The following DPYSL5 variants were observed in gnomAD, a reference collection of about 807,000 sequenced individuals.
DPYSL5 encodes the protein dihydropyrimidinase like 5, also known as dihydropyrimidinase-related protein 5.
DPYSL5 carries 9 observed loss-of-function variants against 58.4 expected under a neutral mutation model. The ratio of observed to expected loss-of-function variants is 0.15; its 90% CI spans 0.09 to 0.27. DPYSL5 has a LOEUF of 0.27. DPYSL5 is among the 10% of genes least tolerant of loss of function. The pLI, the probability that DPYSL5 is intolerant of heterozygous loss-of-function variation, is 1.00. For missense variants in DPYSL5, 499 were observed against 770.6 expected (o/e 0.65, Z 4.17); for synonymous variants, 293 against 301.9 (o/e 0.97, Z 0.31).
rs752500593 is a variant in DPYSL5, at chr2:26,928,295, A to G, written c.641A>G (p.Glu214Gly). The G allele has an allele frequency of 8.7e-6, 14 of 1,613,834 alleles. No individual in the cohort carries two copies. ...EALDLGITGP[E>G]GIEISRPEEL... ...CTGGATTTGGGGATCACAGGCCCAGAAGGAATCGAGATCAGCCGTCCAGAG... is the reference window on the plus strand; with the variant it reads ...CTGGATTTGGGGATCACAGGCCCAGGAGGAATCGAGATCAGCCGTCCAGAG... Residue 214 changes from glutamate to glycine, a missense_variant, in exon 5 of 13, where the codon GAA (glutamate) becomes GGA (glycine). By Grantham distance (98) the Glu-to-Gly change is moderately conservative. This residue lies in a region of DPYSL5 where 404 missense variants were observed against 647.6 expected (regional missense o/e 0.62). Coordinates refer to ENST00000288699, the MANE Select transcript of DPYSL5 (RefSeq NM_020134.4).
rs552178690 is a variant in DPYSL5, at chr2:26,891,244, C to T, written c.-4-7252C>T. Among the ~76,000 whole-genome samples the T allele has an allele frequency of 1.5e-3, 235 of 152,194 alleles. 1 individual carries two copies. The highest frequency in any genetic ancestry group is 2.9e-3 in the Non-Finnish European group (197 of 68,006). On this transcript the variant is annotated intron_variant, in intron 1 of 12. Transcript: ENST00000288699. ...CACACAATGGGCATAGCGAAGGGCCCAGTATATAGTCAGTGTCTAGTAATT... is the reference window on the plus strand; with the variant it reads ...CACACAATGGGCATAGCGAAGGGCCTAGTATATAGTCAGTGTCTAGTAATT...
chr2:26,935,558 G>A (rs772141317), intron 8 of DPYSL5, among the ~76,000 whole-genome samples: 1 of 151,944 alleles, frequency 6.6e-6, no homozygotes, highest in African/African-American at 2.4e-5. Context: ...GCATGGTGGT[G>A]TGTGCCTGTA....
intron 1 of DPYSL5, among the ~76,000 whole-genome samples, chr2:26,891,290 G>GAGTCCTTTAAGTCCTTTA (rs1302084389): frequency 6.6e-6 from 1 of 152,168 alleles, no homozygotes; most frequent in Non-Finnish European, 1.5e-5. Flanking sequence ...ATTATTAATA[G>GAGTCCTTTAAGTCCTTTA]AGTCCTTTAA....
At chr2:26,891,421 G>C (rs1229840068) in intron 1 of DPYSL5, among the ~76,000 whole-genome samples, 2 of 152,172 alleles carry the variant, frequency 1.3e-5, no homozygotes, top group Non-Finnish European at 2.9e-5. Context: ...GGGCTCCCCA[G>C]TGTTCTGCAA....
rs1664261656 is a variant in DPYSL5 at position 26,905,379 on chromosome 2, G to A, written c.261+6619G>A. 6.6e-6 allele frequency among the ~76,000 whole-genome samples: 1 copy of A among 152,182 alleles called. No homozygotes were observed. The highest frequency in any genetic ancestry group is 1.5e-5 in the Non-Finnish European group (1 of 68,032). ...GCTAGTCCCCAGGCTGGGACTACCT[G>A]CTTCCACCCCAGGCTCTTTTCTTCC... is the stretch of plus-strand genomic sequence containing the variant. On this transcript the variant is annotated intron_variant, in intron 2 of 12. Transcript: ENST00000288699. This position sits in a 1 kb window ranked among gnomAD's most constrained non-coding sequence, Gnocchi z 4.0.
At position 26,898,718 on chromosome 2, in the gene DPYSL5, C is replaced by T. The variant is rs750955618; in HGVS notation, c.219C>T (p.Phe73=). 2 of 1,613,666 alleles carry T rather than the reference C, an allele frequency of 1.2e-6. No homozygotes were observed. The highest frequency in any genetic ancestry group is 1.7e-6 in the Non-Finnish European group (2 of 1,179,590). The change falls in exon 2 of 13, where the codon TTC becomes TTT. Residue 73 remains phenylalanine, a synonymous_variant. Transcript: ENST00000288699. This position sits in a 1 kb window ranked among gnomAD's most constrained non-coding sequence, Gnocchi z 6.1. ...IDTSTHFHQT[F]MNATCVDDFY... ...CCAGCACCCACTTCCACCAGACCTTCATGAATGCCACGTGCGTGGACGACT... is the reference window on the plus strand; with the variant it reads ...CCAGCACCCACTTCCACCAGACCTTTATGAATGCCACGTGCGTGGACGACT...
chr2:26,934,300 A>T lies in DPYSL5; in HGVS notation c.791-278A>T, dbSNP rs111433050. ...CTGCCAACAGCACCCTGCACACACC[A>T]GTGCTCTGGTCATCTGGCCAAACCA... On this transcript the variant is annotated intron_variant, in intron 7 of 12. Transcript: ENST00000288699. The surrounding 1 kb of genome is among the most constrained non-coding windows in gnomAD (Gnocchi z 4.3). Among the ~76,000 whole-genome samples the T allele has an allele frequency of 0.026, 3,892 of 152,244 alleles. 128 individuals are homozygous for T. The highest frequency in any genetic ancestry group is 0.084 in the African/African-American group (3,483 of 41,520).
At chr2:26,867,669 A>T (rs1357520964) in intron 1 of DPYSL5, among the ~76,000 whole-genome samples, 4 of 151,434 alleles carry the variant, frequency 2.6e-5, no homozygotes, top group Non-Finnish European at 4.4e-5. Context: ...TTTAGCCGGG[A>T]TGGTCTCGAT....
At position 26,942,197 on chromosome 2, in the gene DPYSL5, A is replaced by G. The variant is rs1572722517; in HGVS notation, c.1232+105A>G. ...TATAATTTTGCACTATTTCTAGCAC[A>G]AAATATGGCCCTGGCCTACCGTTGG... is the stretch of plus-strand genomic sequence containing the variant. On this transcript the variant is annotated intron_variant, in intron 10 of 12. Coordinates refer to ENST00000288699, the MANE Select transcript of DPYSL5 (RefSeq NM_020134.4). This position sits in a 1 kb window ranked among gnomAD's most constrained non-coding sequence, Gnocchi z 5.9. 6.6e-7 allele frequency: 1 copy of G among 1,525,154 alleles called. No individual in the cohort carries two copies. Among genetic ancestry groups the G allele is most frequent in the Non-Finnish European group, 8.9e-7 (1 of 1,128,404 alleles). The allele number at this position is 1,525,154 out of a possible 1,614,324, so 94.5% of individuals were successfully genotyped here.
chr2:26,848,174 C>A lies in DPYSL5; in HGVS notation c.-85C>A. 1 of 151,702 alleles carries A rather than the reference C, an allele frequency of 6.6e-6. No individual in the cohort carries two copies. The highest frequency in any genetic ancestry group is 1.5e-5 in the Non-Finnish European group (1 of 67,904). 9.4% of individuals were successfully genotyped at this position (151,702 alleles called of 1,614,324 possible). On this transcript the variant is annotated 5_prime_UTR_variant, in exon 1 of 13. Transcript: ENST00000288699. ...AGCGCGCGTGCAGCCGCCGCCGCCC[C>A]GAGCACCCGCAGCTCCGGCGCCGCG...
At chr2:26,875,222 G>A (rs764229358) in intron 1 of DPYSL5, among the ~76,000 whole-genome samples, 1 of 152,206 alleles carries the variant, frequency 6.6e-6, no homozygotes, top group African/African-American at 2.4e-5. Context: ...GGTGGTGAAG[G>A]GACAGCTCAT....
intron 2 of DPYSL5, among the ~76,000 whole-genome samples, chr2:26,909,597 T>C (rs1664379294): frequency 6.6e-6 from 1 of 151,872 alleles, no homozygotes; most frequent in South Asian, 2.1e-4. Flanking sequence ...TGAAACCCCA[T>C]CTCTACAAAA....
intron 2 of DPYSL5, among the ~76,000 whole-genome samples, chr2:26,919,383 C>A (rs961874974): frequency 1.3e-5 from 2 of 152,148 alleles, no homozygotes; most frequent in Non-Finnish European, 2.9e-5. Context: ...AACAAATGAG[C>A]ATCAAATAAA....
intron 5 of DPYSL5, among the ~76,000 whole-genome samples, chr2:26,930,764 G>T (rs994226055): frequency 6.6e-6 from 1 of 152,130 alleles, no homozygotes; most frequent in Admixed American, 6.5e-5. Context: ...CACGAGGTCA[G>T]GAGATCGAGA....
chr2:26,924,990 C>T lies in DPYSL5; in HGVS notation c.365C>T (p.Pro122Leu). ...AYEKCRGLAD[P>L]KVCCDYALHV... ...GAGAAGTGCCGAGGTCTGGCCGACC[C>T]CAAGGTCTGCTGTGATTACGCCCTC... Residue 122 changes from proline to leucine, a missense_variant, in exon 3 of 13, where the codon CCC (proline) becomes CTC (leucine). Pro to Leu is a moderately conservative substitution (Grantham distance 98, BLOSUM62 -3). Around this residue, in one of 3 missense-constraint regions of DPYSL5, gnomAD observed 404 missense variants for 647.6 expected, o/e 0.62. Transcript: ENST00000288699. This position sits in a 1 kb window ranked among gnomAD's most constrained non-coding sequence, Gnocchi z 4.7. 6.2e-7 allele frequency: 1 copy of T among 1,614,184 alleles called. No homozygotes were observed. The highest frequency in any genetic ancestry group is 1.3e-5 in the African/African-American group (1 of 75,064).
intron 1 of DPYSL5, among the ~76,000 whole-genome samples, chr2:26,873,964 G>C (rs942343739): frequency 6.6e-6 from 1 of 152,202 alleles, no homozygotes. Context: ...ACTGGGCATA[G>C]AGTGGTATTT....
At chr2:26,941,821 C>A in intron 9 of DPYSL5, 129 bp from the exon 10 acceptor site, 3 of 1,252,274 alleles carry the variant, frequency 2.4e-6, no homozygotes, top group Admixed American at 2.1e-5. Flanking sequence ...GTGCTCATGG[C>A]CTTGTCCCTT....
At chr2:26,940,717 C>G (rs1370151478) in intron 9 of DPYSL5, among the ~76,000 whole-genome samples, 2 of 151,564 alleles carry the variant, frequency 1.3e-5, no homozygotes, top group African/African-American at 2.4e-5. Context: ...AACACTATAC[C>G]CTGAGTGTCT....
At chr2:26,876,713 A>G (rs1663417771) in intron 1 of DPYSL5, among the ~76,000 whole-genome samples, 1 of 151,802 alleles carries the variant, frequency 6.6e-6, no homozygotes, top group Non-Finnish European at 1.5e-5. Context: ...ACAGGGTTTC[A>G]CCCTATTGGC....
Sources: allele counts gnomAD v4.1 joint callset (sites outside exome capture counted in the v4.1 genomes callset), GRCh38; gene constraint gnomAD v4.1.1; regional missense constraint gnomAD v4.1.1; non-coding constraint Gnocchi (gnomAD v3.1); transcripts MANE v1.5; gene names NCBI Gene and HGNC (gene_info 2026-07-23, HGNC 2026-07-21).